Variants in LSAMP observed in about 807,000 individuals in gnomAD.
LSAMP encodes the protein limbic system associated membrane protein, also known as limbic system-associated membrane protein.
Under a neutral mutation model 38.6 loss-of-function variants are expected in LSAMP, and 7 were observed. The ratio of observed to expected loss-of-function variants is 0.18; its 90% CI spans 0.10 to 0.34. The LOEUF is 0.34. Among genes scored for constraint, LSAMP ranks in the 10% least tolerant of loss-of-function variants. LSAMP has a pLI of 1.00. For missense variants in LSAMP, 313 were observed against 420.0 expected, an observed-to-expected ratio of 0.75 and a Z score of 2.23; for synonymous variants, 154 against 166.8, an observed-to-expected ratio of 0.92 and a Z score of 0.59.
At chr3:115,992,472 T>A (rs908193994) in intron 3 of LSAMP, among the ~76,000 whole-genome samples, 5 of 152,052 alleles carry the variant, frequency 3.3e-5, no homozygotes, top group Admixed American at 6.6e-5. Flanking sequence ...AAAGACACCC[T>A]CCCTCTTCTA....
chr3:116,108,329 G>A (rs1419858607), intron 1 of LSAMP, among the ~76,000 whole-genome samples: 1 of 152,068 alleles, frequency 6.6e-6, no homozygotes, highest in African/African-American at 2.4e-5. Flanking sequence ...CTAAAAAGGA[G>A]TGCTTAAAAG....
intron 6 of LSAMP, among the ~76,000 whole-genome samples, chr3:115,818,225 C>T (rs1934093394): frequency 6.6e-6 from 1 of 152,134 alleles, no homozygotes. Context: ...AGGTACGACT[C>T]TTGTGCAAAG....
At chr3:115,975,940 C>T (rs1468125437) in intron 3 of LSAMP, among the ~76,000 whole-genome samples, 1 of 152,186 alleles carries the variant, frequency 6.6e-6, no homozygotes, top group Non-Finnish European at 1.5e-5. Context: ...ACCATTCTCC[C>T]AGTCACTACA....
intron 1 of LSAMP, among the ~76,000 whole-genome samples, chr3:116,346,512 A>T (rs1479394910): frequency 6.6e-6 from 1 of 151,988 alleles, no homozygotes; most frequent in Non-Finnish European, 1.5e-5. Context: ...TATTTTTGGT[A>T]GAGACTGGGT....
At chr3:116,400,686 C>T (rs556838528) in intron 1 of LSAMP, among the ~76,000 whole-genome samples, 1 of 152,184 alleles carries the variant, frequency 6.6e-6, no homozygotes, top group Non-Finnish European at 1.5e-5. Flanking sequence ...CCACGTTAGC[C>T]AGGCTGTTCT....
At chr3:116,086,606 C>T (rs1486897289) in intron 1 of LSAMP, 50 bp from the exon 2 acceptor site, 23 of 1,424,946 alleles carry the variant, frequency 1.6e-5, no homozygotes, top group South Asian at 6.9e-5. Context: ...ACTATTTCTG[C>T]GTTTCTTCTC....
At chr3:115,948,711 C>A (rs1169190735) in intron 3 of LSAMP, among the ~76,000 whole-genome samples, 5 of 152,150 alleles carry the variant, frequency 3.3e-5, no homozygotes, top group African/African-American at 9.7e-5. Flanking sequence ...TAACATCACA[C>A]CTCAAGGAAC....
chr3:116,285,245 C>T (rs891683603), intron 1 of LSAMP, among the ~76,000 whole-genome samples: 1 of 152,086 alleles, frequency 6.6e-6, no homozygotes, highest in South Asian at 2.1e-4. Flanking sequence ...CTGCAATGGC[C>T]TCCCGTCACT....
chr3:116,217,350 C>CAACATAAAAT (rs1359964546), intron 1 of LSAMP, among the ~76,000 whole-genome samples: 1 of 152,164 alleles, frequency 6.6e-6, no homozygotes, highest in Admixed American at 6.5e-5. Context: ...GAGTGACTGG[C>CAACATAAAAT]AACATAAAAT....
At chr3:116,099,522 C>T (rs1235208524) in intron 1 of LSAMP, among the ~76,000 whole-genome samples, 1 of 152,156 alleles carries the variant, frequency 6.6e-6, no homozygotes, top group Non-Finnish European at 1.5e-5. Context: ...GGAAACTGAC[C>T]TGACTACCAG....
intron 1 of LSAMP, among the ~76,000 whole-genome samples, chr3:116,415,528 G>C (rs1011752012): frequency 1.3e-5 from 2 of 152,070 alleles, no homozygotes; most frequent in African/African-American, 4.8e-5. Flanking sequence ...ATGATCTAGA[G>C]GAGGGAGACT....
At chr3:116,232,548 G>T (rs1576449196) in intron 1 of LSAMP, among the ~76,000 whole-genome samples, 1 of 152,018 alleles carries the variant, frequency 6.6e-6, no homozygotes, top group Admixed American at 6.6e-5. Context: ...GAACCTACCT[G>T]GTTGCTTTAT....
intron 2 of LSAMP, among the ~76,000 whole-genome samples, chr3:116,083,291 C>G (rs946745233): frequency 6.6e-6 from 1 of 152,164 alleles, no homozygotes; most frequent in African/African-American, 2.4e-5. Context: ...TCAACATCAT[C>G]ATCAACCTAC....
At chr3:116,224,827 G>T (rs955624236) in intron 1 of LSAMP, among the ~76,000 whole-genome samples, 1 of 152,154 alleles carries the variant, frequency 6.6e-6, no homozygotes, top group Non-Finnish European at 1.5e-5. Flanking sequence ...ACCAGCCCTC[G>T]AATGATCTTC....
intron 1 of LSAMP, among the ~76,000 whole-genome samples, chr3:116,108,824 G>A (rs555753977): frequency 9.1e-4 from 137 of 150,748 alleles, no homozygotes; most frequent in African/African-American, 3.3e-3. Context: ...TGGCCGCTGC[G>A]GTTCAGGCAT....
chr3:116,065,830 A>G (rs1707415227), intron 2 of LSAMP, among the ~76,000 whole-genome samples: 2 of 152,232 alleles, frequency 1.3e-5, no homozygotes, highest in South Asian at 4.1e-4. Flanking sequence ...TGTGGAATCC[A>G]ACAGACCTGA....
intron 1 of LSAMP, among the ~76,000 whole-genome samples, chr3:116,221,844 A>ATGTGTGTGT (rs3220931): frequency 4.8e-5 from 7 of 145,370 alleles, no homozygotes; most frequent in African/African-American, 1.5e-4. Context: ...CCTAAAAAGA[A>ATGTGTGTGT]GTGTGTGTGT....
Position 115,968,987 on chromosome 3 carries a change from C to T in LSAMP, c.514+50528G>A, listed in dbSNP as rs1218431138. ...CTGCAGTGAAAAGCAGCACTGAGTT[C>T]CAATGCAAAGACCTACAATCACTGA... On this transcript the variant is annotated intron_variant, in intron 3 of 6. Transcript: ENST00000490035. Among the ~76,000 whole-genome samples the T allele has an allele frequency of 2.6e-5, 4 of 152,164 alleles. No homozygotes were observed. In the East Asian group the frequency reaches 7.7e-4, roughly 29 times the overall value.
intron 3 of LSAMP, among the ~76,000 whole-genome samples, chr3:115,991,220 T>C (rs951325005): frequency 2.3e-4 from 35 of 152,218 alleles, no homozygotes; most frequent in African/African-American, 8.2e-4. Flanking sequence ...GGGATTAGAC[T>C]TTGGAAAGCT....
Sources: gnomAD v4.1 joint callset for allele counts (sites outside exome capture counted in the v4.1 genomes callset) on GRCh38, gnomAD v4.1.1 for gene constraint, MANE v1.5 for transcripts, NCBI Gene and HGNC (gene_info 2026-07-23, HGNC 2026-07-21) for gene names.